CACNA2D3: variants seen among roughly 807,000 people sequenced by gnomAD.
CACNA2D3 encodes the protein voltage-dependent calcium channel subunit alpha-2/delta-3.
CACNA2D3 carries 60 observed loss-of-function variants against 160.6 expected under a neutral mutation model. The observed-to-expected ratio is 0.37, with a 90% confidence interval of 0.30 to 0.46. The LOEUF is 0.46. Among genes scored for constraint, CACNA2D3 ranks in the 20% least tolerant of loss-of-function variants. CACNA2D3 has a pLI of 1.00. For synonymous variants in CACNA2D3, 558 were observed against 492.9 expected, an observed-to-expected ratio of 1.13 and a Z score of -1.75; for missense variants, 1,205 against 1,365.0, an observed-to-expected ratio of 0.88 and a Z score of 1.85.
chr3:54,298,944 TAA>T (rs59100168), intron 2 of CACNA2D3, among the ~76,000 whole-genome samples: 11,329 of 95,698 alleles, frequency 0.12, 766 homozygotes, highest in African/African-American at 0.15. Context: ...CTCTGTTTCT[TAA>T]AAAAAAAAAA....
intron 8 of CACNA2D3, among the ~76,000 whole-genome samples, chr3:54,579,961 A>C (rs771509863): frequency 4.6e-5 from 7 of 152,166 alleles, no homozygotes; most frequent in Non-Finnish European, 8.8e-5. Flanking sequence ...GATGAACGAG[A>C]GGGCACAAGC....
chr3:54,526,983 G>A (rs548629187), intron 5 of CACNA2D3, among the ~76,000 whole-genome samples: 1 of 152,202 alleles, frequency 6.6e-6, no homozygotes, highest in Non-Finnish European at 1.5e-5. Context: ...GAGCCACCAC[G>A]TGGGGCCAGG....
chr3:54,885,259 A>G lies in CACNA2D3; in HGVS notation c.1913-22A>G, dbSNP rs750321840. The G allele has an allele frequency of 4.3e-6, 7 of 1,613,050 alleles. No individual in the cohort carries two copies. In the Admixed American group the frequency reaches 8.3e-5, roughly 19 times the overall value. ...CTGGGGGAGTGATACTTATTCATGA[A>G]CCCCTTCTCCTTGACCCCCAGGCCT... On this transcript the variant is annotated intron_variant, in intron 21 of 37. Transcript: ENST00000474759.
chr3:54,507,910 T>C (rs902464866), intron 5 of CACNA2D3, among the ~76,000 whole-genome samples: 1 of 152,194 alleles, frequency 6.6e-6, no homozygotes, highest in African/African-American at 2.4e-5. Context: ...ATTGAACACT[T>C]AGAGGGGTGG....
intron 31 of CACNA2D3, among the ~76,000 whole-genome samples, chr3:54,994,728 C>T (rs1363803875): frequency 6.6e-6 from 1 of 152,136 alleles, no homozygotes. Flanking sequence ...ATTATTATTT[C>T]CATTTGACAA....
chr3:54,505,202 G>A (rs1423176684), intron 5 of CACNA2D3, among the ~76,000 whole-genome samples: 5 of 152,086 alleles, frequency 3.3e-5, no homozygotes, highest in Admixed American at 6.5e-5. Context: ...TGGGGATTCC[G>A]AGGTGAATCA....
chr3:54,346,402 T>TGCCATA (rs111733281), intron 3 of CACNA2D3, among the ~76,000 whole-genome samples: 2,036 of 152,334 alleles, frequency 0.013, 31 homozygotes, highest in African/African-American at 0.038. Context: ...AAATAGCCTT[T>TGCCATA]GCCATAGTTA....
intron 4 of CACNA2D3, among the ~76,000 whole-genome samples, chr3:54,449,474 C>G (rs1700271779): frequency 6.6e-6 from 1 of 152,064 alleles, no homozygotes; most frequent in Non-Finnish European, 1.5e-5. Flanking sequence ...AAAATATAAC[C>G]TCATTTGCCA....
At chr3:54,791,758 T>A (rs1702762078) in intron 13 of CACNA2D3, among the ~76,000 whole-genome samples, 4 of 152,140 alleles carry the variant, frequency 2.6e-5, no homozygotes, top group Admixed American at 2.6e-4. Context: ...AAAAAAAATT[T>A]AAAGAGGACA....
chr3:54,478,155 C>G (rs1273765471), intron 4 of CACNA2D3, among the ~76,000 whole-genome samples: 6 of 151,920 alleles, frequency 3.9e-5, no homozygotes, highest in Non-Finnish European at 7.4e-5. Context: ...TCTGGGAATG[C>G]TACAAAGTTA....
intron 2 of CACNA2D3, among the ~76,000 whole-genome samples, chr3:54,278,706 C>G (rs1702800417): frequency 6.6e-6 from 1 of 152,044 alleles, no homozygotes; most frequent in Non-Finnish European, 1.5e-5. Context: ...AAACTGGAAA[C>G]CATCATTCTC....
At chr3:54,797,096 C>T (rs542615942) in intron 13 of CACNA2D3, among the ~76,000 whole-genome samples, 16 of 152,134 alleles carry the variant, frequency 1.1e-4, no homozygotes, top group Non-Finnish European at 1.9e-4. Context: ...CATCAGACCA[C>T]TTGTGATTTG....
chr3:54,806,119 A>C (rs924902268), intron 13 of CACNA2D3, among the ~76,000 whole-genome samples: 8 of 152,244 alleles, frequency 5.3e-5, no homozygotes, highest in Non-Finnish European at 1.2e-4. Flanking sequence ...AAAAACTGGA[A>C]GCGTTCCCTT....
chr3:54,728,571 T>A (rs1280124924), intron 11 of CACNA2D3, among the ~76,000 whole-genome samples: 1 of 152,222 alleles, frequency 6.6e-6, no homozygotes, highest in East Asian at 1.9e-4. Context: ...GTTATCTGGC[T>A]CTGTTTCTTG....
At chr3:54,554,428 C>G in intron 5 of CACNA2D3, among the ~76,000 whole-genome samples, 1 of 152,102 alleles carries the variant, frequency 6.6e-6, no homozygotes. Flanking sequence ...CAGTACCTTG[C>G]CCTGATAATT....
Position 54,789,455 on chromosome 3 carries a change from C to T in CACNA2D3, c.1380+25104C>T, listed in dbSNP as rs536323779. On this transcript the variant is annotated intron_variant, in intron 13 of 37. Coordinates refer to ENST00000474759, the MANE Select transcript of CACNA2D3 (RefSeq NM_018398.3). ...ATAACCAAGTGGAGATTCCTGACACCGTAAAGGTATGATCATGTGCTTGGT... is the reference window on the plus strand; with the variant it reads ...ATAACCAAGTGGAGATTCCTGACACTGTAAAGGTATGATCATGTGCTTGGT... Among the ~76,000 whole-genome samples, 33 of 152,246 alleles carry T rather than the reference C, an allele frequency of 2.2e-4. No homozygotes were observed. The South Asian group carries it at 5.2e-3, about 24-fold the overall frequency.
chr3:54,170,158 C>A (rs970418858), intron 2 of CACNA2D3, among the ~76,000 whole-genome samples: 1 of 150,158 alleles, frequency 6.7e-6, no homozygotes, highest in Admixed American at 6.6e-5. Flanking sequence ...CTATTGCACT[C>A]CAGCCTGGGT....
chr3:54,433,121 C>G (rs887397581), intron 4 of CACNA2D3, among the ~76,000 whole-genome samples: 20 of 152,142 alleles, frequency 1.3e-4, no homozygotes, highest in Non-Finnish European at 8.8e-5. Context: ...CTGTTGAGCT[C>G]AACATTCCAA....
chr3:54,142,433 C>T (rs1222492180), intron 2 of CACNA2D3, among the ~76,000 whole-genome samples: 1 of 152,162 alleles, frequency 6.6e-6, no homozygotes, highest in South Asian at 2.1e-4. Flanking sequence ...TTATTCCAAC[C>T]TCCTCCTCTT....
Sources: gnomAD v4.1 joint callset for allele counts (sites outside exome capture counted in the v4.1 genomes callset) on GRCh38, gnomAD v4.1.1 for gene constraint, MANE v1.5 for transcripts, NCBI Gene and HGNC (gene_info 2026-07-23, HGNC 2026-07-21) for gene names.